The following BFSP1 variants were observed in gnomAD, a reference collection of about 807,000 sequenced individuals.
The protein encoded by BFSP1 is filensin.
BFSP1 carries 38 observed loss-of-function variants against 43.9 expected under a neutral mutation model. The ratio of observed to expected loss-of-function variants is 0.87; its 90% CI spans 0.67 to 1.14. The LOEUF (loss-of-function observed/expected upper bound fraction) is 1.14, where lower values mean the gene tolerates loss of function less well. BFSP1 is among the 50% of genes most tolerant of loss of function. BFSP1 has a pLI of 0.00. For synonymous variants in BFSP1, 352 were observed against 354.8 expected (o/e 0.99, Z 0.09); for missense variants, 850 against 875.1 (o/e 0.97, Z 0.36).
chr20:17,541,504 G>A (rs990424785), intron 1 of BFSP1, among the ~76,000 whole-genome samples: 3 of 152,072 alleles, frequency 2.0e-5, no homozygotes, highest in Non-Finnish European at 2.9e-5. Context: ...AATATATAGG[G>A]ACAGAACAAA....
At chr20:17,541,171 A>C in intron 1 of BFSP1, 2 of 800,782 alleles carry the variant, frequency 2.5e-6, no homozygotes, top group Non-Finnish European at 3.0e-6. Flanking sequence ...ACTGCACCCC[A>C]TTCTGGGCAA....
chr20:17,498,434 C>T (rs892805017), intron 6 of BFSP1, among the ~76,000 whole-genome samples: 8 of 152,184 alleles, frequency 5.3e-5, no homozygotes, highest in Admixed American at 3.3e-4. Flanking sequence ...TGCCAGGCTC[C>T]GTGCCACGTA....
chr20:17,546,207 G>A (rs2034798552), intron 1 of BFSP1, among the ~76,000 whole-genome samples: 1 of 152,176 alleles, frequency 6.6e-6, no homozygotes. Flanking sequence ...GGCAGAAGGG[G>A]AAGCAGGCAT....
At chr20:17,500,928 T>C (rs923892947) in intron 5 of BFSP1, among the ~76,000 whole-genome samples, 1 of 152,182 alleles carries the variant, frequency 6.6e-6, no homozygotes, top group Admixed American at 6.5e-5. Flanking sequence ...CACTTCTACC[T>C]AGCGCAGCCC....
chr20:17,568,448 CAGG>C (rs1369622993), intron 1 of BFSP1, among the ~76,000 whole-genome samples: 2 of 111,650 alleles, frequency 1.8e-5, no homozygotes, highest in Non-Finnish European at 4.8e-5. Flanking sequence ...GTTCCAGCTG[CAGG>C]AGGATACAGG....
chr20:17,506,653 T>A (rs2033945469), intron 5 of BFSP1, among the ~76,000 whole-genome samples: 1 of 151,640 alleles, frequency 6.6e-6, no homozygotes, highest in African/African-American at 2.4e-5. Context: ...GCTTCCTAAG[T>A]AGCTGGAACC....
chr20:17,559,490 G>A (rs1417382418), upstream of BFSP1, among the ~76,000 whole-genome samples: 1 of 152,166 alleles, frequency 6.6e-6, no homozygotes, highest in Non-Finnish European at 1.5e-5. Context: ...AGTCCCAAAG[G>A]GGTGCACCTT....
chr20:17,518,305 C>T (rs1258922766), intron 2 of BFSP1, among the ~76,000 whole-genome samples: 1 of 152,216 alleles, frequency 6.6e-6, no homozygotes, highest in East Asian at 1.9e-4. Flanking sequence ...CTTCTGAGCT[C>T]ATTCATGTGT....
intron 1 of BFSP1, among the ~76,000 whole-genome samples, chr20:17,544,307 GGCTGCTCC>G (rs755258939): frequency 3.4e-4 from 51 of 152,144 alleles, no homozygotes; most frequent in Non-Finnish European, 7.1e-4. Flanking sequence ...ATTGGTTGAG[GGCTGCTCC>G]CTACACAGCC....
chr20:17,566,011 G>C (rs901763457), intron 1 of BFSP1, among the ~76,000 whole-genome samples: 2 of 151,432 alleles, frequency 1.3e-5, no homozygotes, highest in Non-Finnish European at 2.9e-5. Context: ...CCAGCTACTC[G>C]GGAGGCTGAG....
chr20:17,502,527 G>A (rs186471343), intron 5 of BFSP1, among the ~76,000 whole-genome samples: 2 of 152,268 alleles, frequency 1.3e-5, no homozygotes, highest in East Asian at 1.9e-4. Context: ...AAAAACACGC[G>A]TGGAGCAACT....
Position 17,508,910 on chromosome 20 carries a change from C to T in BFSP1, c.714G>A (p.Gln238=). 1 of 1,603,958 alleles carries T rather than the reference C, an allele frequency of 6.2e-7. No homozygotes were observed. Among genetic ancestry groups the T allele is most frequent in the Non-Finnish European group, 8.5e-7 (1 of 1,175,920 alleles). The change falls in exon 5 of 8, where the codon CAG becomes CAA. Residue 238 remains glutamine, a synonymous_variant. Coordinates refer to ENST00000377873, the MANE Select transcript of BFSP1 (RefSeq NM_001195.5). Reference sequence around the variant, plus strand: ...GTACCTGTGCCTGCAGCTCCACTCTCTGCGCCTGCAGGTGGGAGAGCACCT... The same window carrying T: ...GTACCTGTGCCTGCAGCTCCACTCTTTGCGCCTGCAGGTGGGAGAGCACCT... The part of the protein sequence containing the change: ...GREVLSHLQA[Q]RVELQAQTTT...
At position 17,511,991 on chromosome 20, in the gene BFSP1, C is replaced by T. The variant is rs758251001; in HGVS notation, c.612G>A (p.Thr204=). 10 of 1,608,880 alleles carry T rather than the reference C, an allele frequency of 6.2e-6. No individual in the cohort carries two copies. In the South Asian group the frequency reaches 7.7e-5, roughly 12 times the overall value. The change falls in exon 4 of 8, where the codon ACG becomes ACA. Residue 204 remains threonine, a synonymous_variant. Transcript: ENST00000377873. ...CAATTCTTACCTCCCTCATCCCACT[C>T]GTCACAATGGATGCTGGAGGAGTGG... ...IHTTPPASIV[T]SGMREEKLLT...
chr20:17,535,953 T>G (rs2034622775), upstream of BFSP1, among the ~76,000 whole-genome samples: 1 of 152,130 alleles, frequency 6.6e-6, no homozygotes, highest in Admixed American at 6.6e-5. Flanking sequence ...TGTATTTATT[T>G]TTTTAAAAAA....
chr20:17,535,123 A>G (rs767960681), upstream of BFSP1, among the ~76,000 whole-genome samples: 1 of 152,264 alleles, frequency 6.6e-6, no homozygotes, highest in Non-Finnish European at 1.5e-5. Flanking sequence ...CATTAACAAA[A>G]TTAGAATATA....
chr20:17,534,375 T>C (rs957387279), upstream of BFSP1, among the ~76,000 whole-genome samples: 5 of 152,228 alleles, frequency 3.3e-5, no homozygotes, highest in African/African-American at 1.2e-4. Context: ...GTATGGAGAC[T>C]GGTAAAATGA....
intron 1 of BFSP1, among the ~76,000 whole-genome samples, chr20:17,548,666 T>A (rs2123576235): frequency 6.6e-6 from 1 of 152,310 alleles, no homozygotes; most frequent in African/African-American, 2.4e-5. Context: ...GGAGTCAACC[T>A]CAATTTTTAA....
At chr20:17,568,772 G>A (rs1264852565) in intron 1 of BFSP1, among the ~76,000 whole-genome samples, 4 of 151,856 alleles carry the variant, frequency 2.6e-5, no homozygotes, top group Admixed American at 6.6e-5. Context: ...CAGAACAAAA[G>A]CCACATACAA....
upstream of BFSP1, among the ~76,000 whole-genome samples, chr20:17,559,142 A>G (rs1170164761): frequency 6.6e-6 from 1 of 152,194 alleles, no homozygotes; most frequent in Admixed American, 6.5e-5. Context: ...TCTTGTGTCA[A>G]TCAGCTCCCT....
Sources: gnomAD v4.1 joint callset for allele counts (sites outside exome capture counted in the v4.1 genomes callset) on GRCh38, gnomAD v4.1.1 for gene constraint, MANE v1.5 for transcripts, NCBI Gene and HGNC (gene_info 2026-07-23, HGNC 2026-07-21) for gene names.